Variants in MICAL3 observed in about 807,000 individuals in gnomAD.
MICAL3 encodes the protein [F-actin]-monooxygenase MICAL3.
A neutral mutation model predicts 207.4 loss-of-function variants in MICAL3; 62 were observed. That is an observed-to-expected ratio of 0.30 (90% CI 0.24 to 0.37). The LOEUF (loss-of-function observed/expected upper bound fraction) is 0.37, where lower values mean the gene tolerates loss of function less well. MICAL3 is among the 10% of genes least tolerant of loss of function. MICAL3 has a pLI of 1.00. For synonymous variants in MICAL3, 1,077 were observed against 1,069.3 expected, an observed-to-expected ratio of 1.01 and a Z score of -0.14; for missense variants, 2,368 against 2,635.6, an observed-to-expected ratio of 0.90 and a Z score of 2.22.
At chr22:18,000,083 G>A (rs1461962689) in intron 1 of MICAL3, among the ~76,000 whole-genome samples, 3 of 152,186 alleles carry the variant, frequency 2.0e-5, no homozygotes, top group Non-Finnish European at 2.9e-5. Flanking sequence ...GGCAGCGACT[G>A]TAGGAAGATG....
At chr22:17,853,321 G>A (rs117463185) in intron 19 of MICAL3, among the ~76,000 whole-genome samples, 2,358 of 152,308 alleles carry the variant, frequency 0.015, 32 homozygotes, top group East Asian at 0.048. Flanking sequence ...GCTGCAGCCT[G>A]GAGACAGCCA....
chr22:17,835,254 C>T (rs942877402), intron 20 of MICAL3, among the ~76,000 whole-genome samples: 11 of 125,438 alleles, frequency 8.8e-5, no homozygotes, highest in African/African-American at 2.6e-4. Flanking sequence ...TCAAGGACCA[C>T]GGGAGCACAG....
At chr22:17,987,848 G>A (rs1369975431) in intron 1 of MICAL3, among the ~76,000 whole-genome samples, 1 of 152,202 alleles carries the variant, frequency 6.6e-6, no homozygotes, top group Non-Finnish European at 1.5e-5. Context: ...AGCAAATGGG[G>A]TCAAACGATC....
rs142838703 is a variant in MICAL3 at position 17,904,960 on chromosome 22, C to T, written c.265-121G>A. The T allele has an allele frequency of 2.2e-4, 165 of 738,378 alleles. No individual in the cohort carries two copies. The East Asian group carries it at 2.4e-3, about 11-fold the overall frequency. The allele number at this position is 738,378 out of a possible 1,614,324, so 45.7% of individuals were successfully genotyped here. On this transcript the variant is annotated intron_variant, in intron 2 of 31. Coordinates refer to ENST00000441493, the MANE Select transcript of MICAL3 (RefSeq NM_015241.3). ...GAAATAGGGCTATTCTCCCCACTGC[C>T]AAGAAACCTTCACACCTACGTGGGT...
chr22:17,976,561 GTATATA>G lies in MICAL3; in HGVS notation c.-75+47714_-75+47719del, dbSNP rs751076102. On this transcript the variant is annotated intron_variant, in intron 1 of 31. Coordinates refer to ENST00000441493, the MANE Select transcript of MICAL3 (RefSeq NM_015241.3). ...TGTGTGTGTGTGTGTGTGTGTGTGTGTATATATATATATATATATATATATATATTT... is the reference window on the plus strand; with the variant it reads ...TGTGTGTGTGTGTGTGTGTGTGTGTGTATATATATATATATATATATATTT... Among the ~76,000 whole-genome samples, 576 of 79,930 alleles carry G rather than the reference GTATATA, an allele frequency of 7.2e-3. 15 individuals carry two copies. The highest frequency in any genetic ancestry group is 0.031 in the African/African-American group (538 of 17,148). The allele number at this position is 79,930 out of a possible 152,430, so 52.4% of individuals were successfully genotyped here.
At chr22:17,978,140 A>C (rs1935740784) in intron 1 of MICAL3, among the ~76,000 whole-genome samples, 1 of 152,228 alleles carries the variant, frequency 6.6e-6, no homozygotes. Context: ...AAATAACTCA[A>C]ATGCCTATCA....
chr22:17,844,969 T>C (rs1366044603), intron 19 of MICAL3, among the ~76,000 whole-genome samples: 1 of 152,188 alleles, frequency 6.6e-6, no homozygotes, highest in African/African-American at 2.4e-5. Context: ...CATCCCTTCC[T>C]TCTCCTCATC....
intron 19 of MICAL3, chr22:17,862,253 CCTTTT>C: frequency 1.0e-6 from 1 of 985,416 alleles, no homozygotes; most frequent in South Asian, 4.7e-5. Flanking sequence ...CTGAGCTTTC[CCTTTT>C]CTTCTTTTTT....
chr22:17,827,767 G>A lies in MICAL3; in HGVS notation c.3070C>T (p.Leu1024Phe). The change falls in exon 22 of 32, where the codon CTC becomes TTC. Residue 1024 changes from leucine to phenylalanine, a missense_variant. Physicochemically the swap from Leu to Phe is conservative, Grantham distance 22. Coordinates refer to ENST00000441493, the MANE Select transcript of MICAL3 (RefSeq NM_015241.3). ...EESSEAGNQRLQQVMHAADPL... is the reference protein window; with the variant it reads ...EESSEAGNQRFQQVMHAADPL... ...TCCGCCGCGTGCATGACCTGCTGGAGCCTCTGGTTCCCGGCTAGTGTCCCA... is the reference window on the plus strand; with the variant it reads ...TCCGCCGCGTGCATGACCTGCTGGAACCTCTGGTTCCCGGCTAGTGTCCCA... 1 of 1,551,086 alleles carries A rather than the reference G, an allele frequency of 6.4e-7. No individual in the cohort carries two copies. Among genetic ancestry groups the A allele is most frequent in the Non-Finnish European group, 8.7e-7 (1 of 1,147,246 alleles).
At chr22:17,904,508 C>G in intron 3 of MICAL3, 124 bp downstream of exon 3, 1 of 759,710 alleles carries the variant, frequency 1.3e-6, no homozygotes, top group Non-Finnish European at 2.3e-6. Context: ...ATAAGAAAGA[C>G]AGTAATGAGA....
intron 1 of MICAL3, among the ~76,000 whole-genome samples, chr22:17,919,066 G>A (rs1044563147): frequency 4.5e-5 from 6 of 132,130 alleles, no homozygotes; most frequent in Non-Finnish European, 7.7e-5. Context: ...AATGTTTTTG[G>A]TTTTTGTGGG....
chr22:17,996,903 CT>C (rs1922346130), intron 1 of MICAL3, among the ~76,000 whole-genome samples: 2 of 152,172 alleles, frequency 1.3e-5, no homozygotes, highest in African/African-American at 4.8e-5. Flanking sequence ...AGTGCCATGC[CT>C]CCAGTTTCAC....
At chr22:17,993,838 A>G (rs1310875599) in intron 1 of MICAL3, among the ~76,000 whole-genome samples, 1 of 151,096 alleles carries the variant, frequency 6.6e-6, no homozygotes, top group Non-Finnish European at 1.5e-5. Flanking sequence ...GGAAGCGGTG[A>G]CCCCCCAGGA....
chr22:17,832,189 C>A, intron 20 of MICAL3, 82 bp from the exon 21 acceptor site: 1 of 1,488,104 alleles, frequency 6.7e-7, no homozygotes, highest in Admixed American at 2.0e-5. Context: ...CCATCAGAAA[C>A]AATGCATGTC....
chr22:17,797,666 T>C (rs1007422121), intron 29 of MICAL3, among the ~76,000 whole-genome samples: 3 of 152,232 alleles, frequency 2.0e-5, no homozygotes, highest in African/African-American at 7.2e-5. Context: ...CACTGGCTTC[T>C]ACATGGATGC....
chr22:17,880,748 A>AGAT (rs1440012831), intron 16 of MICAL3, among the ~76,000 whole-genome samples: 5 of 152,198 alleles, frequency 3.3e-5, no homozygotes, highest in African/African-American at 1.2e-4. Context: ...GTTTGTTGGA[A>AGAT]GATGCTGAAT....
At chr22:17,812,372 G>T in intron 27 of MICAL3, 1 of 230,940 alleles carries the variant, frequency 4.3e-6, no homozygotes, top group Non-Finnish European at 7.2e-6. Flanking sequence ...AAGTACTGCT[G>T]CCAGTGTGTG....
At position 17,841,733 on chromosome 22, in the gene MICAL3, C is replaced by T. The variant is rs1290199424; in HGVS notation, c.2801+89G>A. ...GCAGCAGGAAAGACAGGAGGCCTCC[C>T]TTCACTGAGAAGAAACCGAGACACA... On this transcript the variant is annotated intron_variant, in intron 20 of 31. Transcript: ENST00000441493. The surrounding 1 kb of genome is among the most constrained non-coding windows in gnomAD (Gnocchi z 4.2). The T allele has an allele frequency of 1.4e-6, 2 of 1,380,086 alleles. No individual in the cohort carries two copies. The highest frequency in any genetic ancestry group is 1.3e-5 in the South Asian group (1 of 78,094). The allele number at this position is 1,380,086 out of a possible 1,614,324, so 85.5% of individuals were successfully genotyped here. A position where few individuals can be genotyped will look rare whatever the true frequency, so the allele number is the denominator to read the frequency against.
At chr22:17,820,038 A>G (rs1224438541) in intron 25 of MICAL3, among the ~76,000 whole-genome samples, 1 of 149,268 alleles carries the variant, frequency 6.7e-6, no homozygotes, top group Non-Finnish European at 1.5e-5. Context: ...AGGCTGAGGC[A>G]GGAGGATTGC....
Sources: allele counts gnomAD v4.1 joint callset (sites outside exome capture counted in the v4.1 genomes callset), GRCh38; gene constraint gnomAD v4.1.1; non-coding constraint Gnocchi (gnomAD v3.1); transcripts MANE v1.5; gene names NCBI Gene and HGNC (gene_info 2026-07-23, HGNC 2026-07-21).